CAMKK1: variants seen among roughly 807,000 people sequenced by gnomAD.
CAMKK1 encodes the protein calcium/calmodulin-dependent protein kinase kinase 1.
In CAMKK1, 20 loss-of-function variants were observed where a neutral mutation model predicts 63.5. The observed-to-expected ratio is 0.32, with a 90% confidence interval of 0.22 to 0.46. CAMKK1 has a LOEUF of 0.46. CAMKK1 is among the 20% of genes least tolerant of loss of function. The pLI is 1.00. For synonymous variants in CAMKK1, 253 were observed against 269.0 expected, an observed-to-expected ratio of 0.94 and a Z score of 0.58; for missense variants, 588 against 658.1, an observed-to-expected ratio of 0.89 and a Z score of 1.17.
Position 3,883,928 on chromosome 17 carries a change from C to CTATCT in CAMKK1, c.417_418insAGATA (p.Gly140ArgfsTer2). ...TCGTTGTAGGCCAGCCTCACCACAC[C>CTATCT]GTAGGCACCCTGCAGATAGGCATCA... On this transcript the variant is annotated frameshift_variant, in exon 4 of 16. Transcript: ENST00000348335. LOFTEE classifies it high-confidence loss of function. The surrounding 1 kb of genome is among the most constrained non-coding windows in gnomAD (Gnocchi z 4.7). The CTATCT allele has an allele frequency of 6.2e-7, 1 of 1,613,692 alleles. No individual in the cohort carries two copies. The highest frequency in any genetic ancestry group is 8.5e-7 in the Non-Finnish European group (1 of 1,179,938).
intron 1 of CAMKK1, among the ~76,000 whole-genome samples, chr17:3,886,371 C>G (rs2055652259): frequency 6.6e-6 from 1 of 152,174 alleles, no homozygotes; most frequent in Non-Finnish European, 1.5e-5. Context: ...GTGGCTCACA[C>G]TTGTAATCCC....
intron 12 of CAMKK1, among the ~76,000 whole-genome samples, chr17:3,870,550 A>G (rs1432270138): frequency 1.3e-5 from 2 of 152,146 alleles, no homozygotes; most frequent in African/African-American, 4.8e-5. Flanking sequence ...TATTTTTAGT[A>G]GAGACGGGGT....
At chr17:3,872,885 C>T (rs1297690345) in intron 11 of CAMKK1, among the ~76,000 whole-genome samples, 1 of 152,218 alleles carries the variant, frequency 6.6e-6, no homozygotes. Flanking sequence ...TGGGTGCACC[C>T]ACCACCATTA....
At position 3,890,661 on chromosome 17, in the gene CAMKK1, C is replaced by T. The variant is rs2055865766; in HGVS notation, c.-44+2278G>A. 1 of 779,760 alleles carries T rather than the reference C, an allele frequency of 1.3e-6. No individual in the cohort carries two copies. Among genetic ancestry groups the T allele is most frequent in the Non-Finnish European group, 2.4e-6 (1 of 417,948 alleles). 48.3% of individuals were successfully genotyped at this position (779,760 alleles called of 1,614,324 possible). The stretch of plus-strand genomic sequence containing the variant: ...CTTGTCACTCGTCCTTTCCCTGTTG[C>T]CCACCCTTGCTCCCCACAACCCCAC... On this transcript the variant is annotated intron_variant, in intron 1 of 15. Coordinates refer to ENST00000348335, the MANE Select transcript of CAMKK1 (RefSeq NM_032294.3). The surrounding 1 kb of genome is among the most constrained non-coding windows in gnomAD (Gnocchi z 6.5).
intron 8 of CAMKK1, 82 bp downstream of exon 8, chr17:3,881,545 C>T (rs1369383928): frequency 5.9e-6 from 8 of 1,354,986 alleles, no homozygotes; most frequent in African/African-American, 1.4e-5. Flanking sequence ...GAGTAGCTGA[C>T]CCCTGGGCTG....
rs1004594991 is a variant in CAMKK1 at position 3,862,351 on chromosome 17, C to T, written c.1446-68G>A. On this transcript the variant is annotated intron_variant, in intron 15 of 15. Coordinates refer to ENST00000348335, the MANE Select transcript of CAMKK1 (RefSeq NM_032294.3). The surrounding 1 kb of genome is among the most constrained non-coding windows in gnomAD (Gnocchi z 4.1). Reference sequence around the variant, plus strand: ...ATATGCACTCAGGGAGACACTCTCCCTCACACACACAGGAATCTGAATCCC... The same window carrying T: ...ATATGCACTCAGGGAGACACTCTCCTTCACACACACAGGAATCTGAATCCC... 4 of 1,233,634 alleles carry T rather than the reference C, an allele frequency of 3.2e-6. No homozygotes were observed. Among genetic ancestry groups the T allele is most frequent in the African/African-American group, 1.5e-5 (1 of 66,872 alleles). 76.4% of individuals were successfully genotyped at this position (1,233,634 alleles called of 1,614,324 possible). A position where few individuals can be genotyped will look rare whatever the true frequency, so the allele number is the denominator to read the frequency against.
intron 14 of CAMKK1, among the ~76,000 whole-genome samples, chr17:3,868,342 G>A (rs530605490): frequency 7.3e-5 from 11 of 150,254 alleles, no homozygotes; most frequent in Non-Finnish European, 1.0e-4. Flanking sequence ...TGGGGGAGAC[G>A]CAGGCACTGC....
At chr17:3,880,068 A>C in intron 9 of CAMKK1, 1 of 454,836 alleles carries the variant, frequency 2.2e-6, no homozygotes. Flanking sequence ...AAGCTAGGCT[A>C]AGAACTCAGC....
At chr17:3,880,819 A>G (rs1459332195) in intron 8 of CAMKK1, among the ~76,000 whole-genome samples, 2 of 151,382 alleles carry the variant, frequency 1.3e-5, no homozygotes, top group Admixed American at 6.6e-5. Flanking sequence ...AGAATATATC[A>G]GAATATATTG....
rs1377300021 is a variant in CAMKK1 at position 3,862,746 on chromosome 17, C to G, written c.1446-463G>C. ...CCAGGCTCAAGCGATCCTCCCACCT[C>G]AGCCTCCTGAGTAGCTGAGACTACA... On this transcript the variant is annotated intron_variant, in intron 15 of 15. Coordinates refer to ENST00000348335, the MANE Select transcript of CAMKK1 (RefSeq NM_032294.3). The surrounding 1 kb of genome is among the most constrained non-coding windows in gnomAD (Gnocchi z 4.1). Among the ~76,000 whole-genome samples, 7 of 152,262 alleles carry G rather than the reference C, an allele frequency of 4.6e-5. No homozygotes were observed. The highest frequency in any genetic ancestry group is 1.7e-4 in the African/African-American group (7 of 41,458).
At position 3,890,823 on chromosome 17, in the gene CAMKK1, T is replaced by C. The variant is rs1455130704; in HGVS notation, c.-44+2116A>G. 1.3e-6 allele frequency: 1 copy of C among 777,344 alleles called. No homozygotes were observed. Among genetic ancestry groups the C allele is most frequent in the East Asian group, 2.4e-5 (1 of 41,192 alleles). 48.2% of individuals were successfully genotyped at this position (777,344 alleles called of 1,614,324 possible). ...TGCTGCCTGGAGGACAGCTCAGACATCGCCTCTTCTGAGCCCTCCTTGATC... is the reference window on the plus strand; with the variant it reads ...TGCTGCCTGGAGGACAGCTCAGACACCGCCTCTTCTGAGCCCTCCTTGATC... On this transcript the variant is annotated intron_variant, in intron 1 of 15. Transcript: ENST00000348335. This position sits in a 1 kb window ranked among gnomAD's most constrained non-coding sequence, Gnocchi z 6.5.
intron 11 of CAMKK1, 88 bp downstream of exon 11, chr17:3,873,320 CT>C: frequency 8.1e-7 from 1 of 1,231,398 alleles, no homozygotes; most frequent in South Asian, 1.2e-5. Flanking sequence ...TCAAAAGCCA[CT>C]TAAGGACAAA....
Position 3,869,586 on chromosome 17 carries a change from C to G in CAMKK1, c.1242G>C (p.Glu414Asp). 1 of 1,614,218 alleles carries G rather than the reference C, an allele frequency of 6.2e-7. No individual in the cohort carries two copies. Residue 414 changes from glutamate to aspartate, a missense_variant, in exon 14 of 16, where the codon GAG (glutamate) becomes GAC (aspartate). Physicochemically the swap from Glu to Asp is conservative, Grantham distance 45. Transcript: ENST00000348335. ...GCTCCTCCTCCGAAGGAAGGGGCTC[C>G]TCCCCGTTCTTGGTCACCCAAGGGT... ...KLHPWVTKNG[E>D]EPLPSEEEHC...
chr17:3,868,470 G>A (rs569568190), intron 14 of CAMKK1, among the ~76,000 whole-genome samples: 14 of 147,158 alleles, frequency 9.5e-5, no homozygotes, highest in Non-Finnish European at 1.8e-4. Context: ...CGCAGGCGCC[G>A]CCTAACTGAT....
At position 3,882,347 on chromosome 17, in the gene CAMKK1, T is replaced by C. The variant is rs2055445290; in HGVS notation, c.685+181A>G. 6.2e-7 allele frequency: 1 copy of C among 1,613,576 alleles called. No homozygotes were observed. On this transcript the variant is annotated intron_variant, in intron 7 of 15. Transcript: ENST00000348335. This position sits in a 1 kb window ranked among gnomAD's most constrained non-coding sequence, Gnocchi z 4.3. Reference sequence around the variant, plus strand: ...GCGATATTTGTTGAATCTAACTGGATATTCTGGGCCTGGTTCTGCAGGGCT... The same window carrying C: ...GCGATATTTGTTGAATCTAACTGGACATTCTGGGCCTGGTTCTGCAGGGCT...
At position 3,880,345 on chromosome 17, in the gene CAMKK1, C is replaced by T. The variant is rs1228385561; in HGVS notation, c.796+1G>A. 6.2e-7 allele frequency: 1 copy of T among 1,613,628 alleles called. No homozygotes were observed. Among genetic ancestry groups the T allele is most frequent in the Non-Finnish European group, 8.5e-7 (1 of 1,179,854 alleles). ...CAGTGGGCAAGCTGCCCCGCACTCA[C>T]AGTACTCGAGGCCCAGGATGACGTC... On this transcript the variant is annotated splice_donor_variant, in intron 9 of 15. Transcript: ENST00000348335. LOFTEE classifies it high-confidence loss of function.
At chr17:3,873,050 C>T (rs2054965190) in intron 11 of CAMKK1, among the ~76,000 whole-genome samples, 1 of 152,206 alleles carries the variant, frequency 6.6e-6, no homozygotes, top group South Asian at 2.1e-4. Context: ...CAGGGTCCAG[C>T]CTCAGCCAGG....
intron 8 of CAMKK1, among the ~76,000 whole-genome samples, chr17:3,881,225 G>A (rs2055397086): frequency 6.6e-6 from 1 of 152,180 alleles, no homozygotes; most frequent in Non-Finnish European, 1.5e-5. Context: ...TCTCACAAAT[G>A]GGAGCAACTG....
At chr17:3,886,546 C>A (rs976282037) in intron 1 of CAMKK1, among the ~76,000 whole-genome samples, 1 of 152,016 alleles carries the variant, frequency 6.6e-6, no homozygotes, top group African/African-American at 2.4e-5. Flanking sequence ...GCAGGAGAAT[C>A]GTGTGAACTT....
Sources: gnomAD v4.1 joint callset for allele counts (sites outside exome capture counted in the v4.1 genomes callset) on GRCh38, gnomAD v4.1.1 for gene constraint, Gnocchi (gnomAD v3.1) non-coding constraint, MANE v1.5 for transcripts, NCBI Gene and HGNC (gene_info 2026-07-23, HGNC 2026-07-21) for gene names.